Variants in ESPNL observed in about 807,000 individuals in gnomAD.
ESPNL encodes the protein espin-like protein.
A neutral mutation model predicts 46.8 loss-of-function variants in ESPNL; 49 were observed. The observed-to-expected ratio is 1.05, with a 90% CI of 0.83 to 1.33. The LOEUF (loss-of-function observed/expected upper bound fraction) is 1.33. Ranked by LOEUF, ESPNL falls within the 40% of genes most tolerant of loss-of-function variation. ESPNL has a pLI of 0.00. For missense variants in ESPNL, 1,540 were observed against 1,436.6 expected (o/e 1.07, Z -1.16); for synonymous variants, 664 against 662.1 (o/e 1.00, Z -0.04).
chr2:238,100,831 GT>G (rs1691451898), intron 1 of ESPNL, 118 bp downstream of exon 1: 2 of 874,486 alleles, frequency 2.3e-6, no homozygotes, highest in Non-Finnish European at 3.2e-6. Flanking sequence ...TGGGCCCTTT[GT>G]TTCTCTTGGG....
In ESPNL at chr2:238,100,806, C is replaced by T. The variant is rs1005941210; in HGVS notation, c.294+93C>T. ...CGGAGGATCAGAGTACTGGCCACCC[C>T]GGGCTCCATGGCCCTGGGCCCTTTG... is the stretch of plus-strand genomic sequence containing the variant. On this transcript the variant is annotated intron_variant, in intron 1 of 8. Transcript: ENST00000343063. 2.5e-5 allele frequency: 28 copies of T among 1,134,962 alleles called. 1 individual carries two copies. The highest frequency in any genetic ancestry group is 2.0e-5 in the South Asian group (1 of 49,620). The allele number at this position is 1,134,962 out of a possible 1,614,324, so 70.3% of individuals were successfully genotyped here.
chr2:238,131,300 C>T lies in ESPNL; in HGVS notation c.2586C>T (p.Tyr862=), dbSNP rs1440696070. Residue 862 remains tyrosine (Y), a synonymous_variant, in exon 9 of 9, where the codon TAC becomes TAT. Transcript: ENST00000343063. ...SLSLDLFMLG[Y]FQLLECDLPA... ...CACTGGATCTCTTCATGCTGGGTTACTTCCAGCTGCTGGAGTGCGACCTGC... is the reference window on the plus strand; with the variant it reads ...CACTGGATCTCTTCATGCTGGGTTATTTCCAGCTGCTGGAGTGCGACCTGC... 4 of 1,582,574 alleles carry T rather than the reference C, an allele frequency of 2.5e-6. No individual in the cohort carries two copies. The highest frequency in any genetic ancestry group is 3.4e-6 in the Non-Finnish European group (4 of 1,165,382).
At chr2:238,124,576 T>C (rs1398658474) in intron 5 of ESPNL, among the ~76,000 whole-genome samples, 1 of 148,720 alleles carries the variant, frequency 6.7e-6, no homozygotes, top group Middle Eastern at 3.2e-3. Flanking sequence ...GGAGAGTACG[T>C]GTGTGTGTGT....
At chr2:238,118,603 AGAGGGTGGATGGAG>A (rs796210004) in intron 5 of ESPNL, among the ~76,000 whole-genome samples, 8,602 of 62,576 alleles carry the variant, frequency 0.14, 61 homozygotes, top group South Asian at 0.24. Context: ...GGTGGATGGA[AGAGGGTGGATGGAG>A]GAGGGTGGAT....
intron 4 of ESPNL, among the ~76,000 whole-genome samples, chr2:238,108,673 C>T (rs772491710): frequency 6.6e-6 from 1 of 152,172 alleles, no homozygotes; most frequent in Non-Finnish European, 1.5e-5. Flanking sequence ...GCTGCTCAGT[C>T]GGGAGCCAGC....
At position 238,130,540 on chromosome 2, in the gene ESPNL, G is replaced by T; in HGVS notation, c.1826G>T (p.Gly609Val). The change falls in exon 9 of 9, where the codon GGC becomes GTC. Residue 609 changes from glycine (G) to valine (V), a missense_variant. Coordinates refer to ENST00000343063, the MANE Select transcript of ESPNL (RefSeq NM_194312.4). ...CGCAGCCTGTCCCTGCTGCTGAAGG[G>T]CGTGCATGGGCTAGTACAGGGGGAT... The part of the protein sequence containing the change: ...LVRSLSLLLK[G>V]VHGLVQGDEK... 6.3e-7 allele frequency: 1 copy of T among 1,591,658 alleles called. No individual in the cohort carries two copies.
intron 6 of ESPNL, among the ~76,000 whole-genome samples, chr2:238,127,092 G>GTC (rs1559267205): frequency 1.1e-5 from 1 of 94,716 alleles, no homozygotes; most frequent in African/African-American, 7.0e-5. Context: ...GTGTATGATT[G>GTC]TGTCTGTGTC....
At chr2:238,109,932 G>T (rs56348800) in intron 4 of ESPNL, among the ~76,000 whole-genome samples, 8 of 148,902 alleles carry the variant, frequency 5.4e-5, no homozygotes, top group Non-Finnish European at 1.5e-5. Context: ...GTTACCGAGG[G>T]TCCCTTTTCT....
chr2:238,104,986 C>T, intron 3 of ESPNL, 144 bp downstream of exon 3: 1 of 723,836 alleles, frequency 1.4e-6, no homozygotes, highest in Non-Finnish European at 2.1e-6. Flanking sequence ...GTCCATGGCT[C>T]CCGAGAATCT....
chr2:238,126,052 G>C (rs116731782), intron 6 of ESPNL, among the ~76,000 whole-genome samples: 1 of 117,486 alleles, frequency 8.5e-6, no homozygotes, highest in African/African-American at 2.9e-5. Context: ...TTATGTCTGT[G>C]TGTATGTGTG....
chr2:238,125,767 T>TTGGAC (rs1553573703), intron 6 of ESPNL, among the ~76,000 whole-genome samples: 1 of 146,276 alleles, frequency 6.8e-6, no homozygotes, highest in Admixed American at 6.8e-5. Context: ...TGTGACCAGC[T>TTGGAC]TGGAGTGGAG....
chr2:238,130,339 C>T lies in ESPNL; in HGVS notation c.1625C>T (p.Pro542Leu), dbSNP rs1161305628. Reference sequence around the variant, plus strand: ...GCGGCTGAGCTGCAGGCCCTGCTGCCCGAGCCCCTGGTCAGCATCACGGTC... The same window carrying T: ...GCGGCTGAGCTGCAGGCCCTGCTGCTCGAGCCCCTGGTCAGCATCACGGTC... ...RLAAELQALL[P>L]EPLVSITVNS... is the part of the protein sequence containing the mutation. The change falls in exon 9 of 9, where the codon CCC becomes CTC. Residue 542 changes from proline to leucine, a missense_variant. By Grantham distance (98) the Pro-to-Leu change is moderately conservative. Coordinates refer to ENST00000343063, the MANE Select transcript of ESPNL (RefSeq NM_194312.4). 6.2e-7 allele frequency: 1 copy of T among 1,608,070 alleles called. No homozygotes were observed. The highest frequency in any genetic ancestry group is 1.1e-5 in the South Asian group (1 of 90,404).
chr2:238,109,832 G>A (rs577780532), intron 4 of ESPNL, among the ~76,000 whole-genome samples: 5 of 152,206 alleles, frequency 3.3e-5, no homozygotes, highest in African/African-American at 1.2e-4. Flanking sequence ...GTTACCGAGT[G>A]TCCCTTTTCT....
chr2:238,109,439 C>A (rs1474635759), intron 4 of ESPNL, among the ~76,000 whole-genome samples: 1 of 152,246 alleles, frequency 6.6e-6, no homozygotes, highest in Non-Finnish European at 1.5e-5. Context: ...CAACCTCTAA[C>A]TCCTAGGCTC....
chr2:238,128,835 G>C lies in ESPNL; in HGVS notation c.1344G>C (p.Glu448Asp). 1 of 1,549,846 alleles carries C rather than the reference G, an allele frequency of 6.5e-7. No individual in the cohort carries two copies. The highest frequency in any genetic ancestry group is 8.7e-7 in the Non-Finnish European group (1 of 1,147,294). The change falls in exon 8 of 9, where the codon GAG (glutamate) becomes GAC (aspartate). Residue 448 changes from glutamate (E) to aspartate (D), a missense_variant. Physicochemically the swap from Glu to Asp is conservative, Grantham distance 45. Coordinates refer to ENST00000343063, the MANE Select transcript of ESPNL (RefSeq NM_194312.4). ...TRDERGQPIP[E>D]WKRQVMVRKL... The stretch of plus-strand genomic sequence containing the variant: ...ATGAGCGCGGCCAGCCCATCCCAGA[G>C]TGGAAGCGGCAGGTGATGGTGCGGA...
chr2:238,113,800 C>T (rs1045203702), intron 4 of ESPNL, among the ~76,000 whole-genome samples: 3 of 152,168 alleles, frequency 2.0e-5, no homozygotes, highest in South Asian at 2.1e-4. Context: ...TGATGGAACC[C>T]GCACGGTTCC....
At chr2:238,117,108 G>A (rs940459437) in intron 5 of ESPNL, 74 bp downstream of exon 5, 187 of 1,512,404 alleles carry the variant, frequency 1.2e-4, no homozygotes, top group Admixed American at 4.2e-5. Context: ...CCCCACTGCT[G>A]AACCTGCAGC....
chr2:238,108,290 C>T (rs758103373), intron 4 of ESPNL, among the ~76,000 whole-genome samples: 1 of 152,238 alleles, frequency 6.6e-6, no homozygotes, highest in Non-Finnish European at 1.5e-5. Flanking sequence ...CTGCTGTGAG[C>T]AGCCTGCGAG....
chr2:238,130,154 G>A lies in ESPNL; in HGVS notation c.1440G>A (p.Thr480=), dbSNP rs200024700. ...AQDNGGSSGP[T]EQAAWRYSQT... ...ACAATGGTGGGAGCTCAGGCCCCAC[G>A]GAGCAGGCGGCCTGGAGGTACTCAC... The change falls in exon 9 of 9, where the codon ACG becomes ACA. Residue 480 remains threonine, a synonymous_variant. Transcript: ENST00000343063. 52 of 1,612,318 alleles carry A rather than the reference G, an allele frequency of 3.2e-5. No homozygotes were observed. The highest frequency in any genetic ancestry group is 3.4e-4 in the Middle Eastern group (2 of 5,970).
Sources: gnomAD v4.1 joint callset for allele counts (sites outside exome capture counted in the v4.1 genomes callset) on GRCh38, gnomAD v4.1.1 for gene constraint, MANE v1.5 for transcripts, NCBI Gene and HGNC (gene_info 2026-07-23, HGNC 2026-07-21) for gene names.